The following QKI variants were observed in gnomAD, a reference collection of about 807,000 sequenced individuals.
QKI encodes the protein QKI, KH domain containing RNA binding.
Under a neutral mutation model 39.0 loss-of-function variants are expected in QKI, and 10 were observed. That is an observed-to-expected ratio of 0.26 (90% CI 0.16 to 0.43). The LOEUF (loss-of-function observed/expected upper bound fraction) is 0.43. QKI is among the 20% of genes least tolerant of loss of function. The pLI is 1.00. For synonymous variants in QKI, 204 were observed against 155.4 expected, an observed-to-expected ratio of 1.31 and a Z score of -2.33; for missense variants, 218 against 428.0, an observed-to-expected ratio of 0.51 and a Z score of 4.33.
chr6:163,532,270 T>C (rs558805161), intron 3 of QKI, among the ~76,000 whole-genome samples: 2 of 152,250 alleles, frequency 1.3e-5, no homozygotes, highest in Non-Finnish European at 2.9e-5. Context: ...TATGCATTAG[T>C]GTTTGACACA....
At chr6:163,415,494 G>C (rs1032235575) in intron 1 of QKI, among the ~76,000 whole-genome samples, 159 bp downstream of exon 1, 8 of 150,878 alleles carry the variant, frequency 5.3e-5, no homozygotes, top group African/African-American at 1.7e-4. Context: ...GTGCCGGGCC[G>C]GGCTTGCGGC....
intron 3 of QKI, among the ~76,000 whole-genome samples, chr6:163,509,566 A>G (rs1039656190): frequency 2.0e-5 from 3 of 152,086 alleles, no homozygotes; most frequent in Admixed American, 6.6e-5. Context: ...TCTACATATT[A>G]TGTGAAACAG....
intron 3 of QKI, among the ~76,000 whole-genome samples, chr6:163,502,856 C>G (rs897501535): frequency 1.3e-5 from 2 of 151,964 alleles, no homozygotes; most frequent in African/African-American, 4.8e-5. Context: ...TGTTTTCTTT[C>G]GGATGTATAC....
intron 3 of QKI, among the ~76,000 whole-genome samples, chr6:163,514,388 ATG>A (rs1276378040): frequency 6.6e-6 from 1 of 152,174 alleles, no homozygotes; most frequent in Non-Finnish European, 1.5e-5. Flanking sequence ...TCTTAAAGAT[ATG>A]TATTTTCAAA....
rs781585764 is a variant in QKI at position 163,575,435 on chromosome 6, A to T, written c.*4725A>T. 5 of 152,206 alleles carry T rather than the reference A, an allele frequency of 3.3e-5. No homozygotes were observed. The highest frequency in any genetic ancestry group is 7.3e-5 in the Non-Finnish European group (5 of 68,034). The allele number at this position is 152,206 out of a possible 1,614,324, so 9.4% of individuals were successfully genotyped here. A position where few individuals can be genotyped will look rare whatever the true frequency, so the allele number is the denominator to read the frequency against. ...ATTAAACATGAAACTACCAAATTCC[A>T]AGAATAGTAAAATTCTAGAGTCAGT... On this transcript the variant is annotated 3_prime_UTR_variant, in exon 8 of 8. Transcript: ENST00000361752.
chr6:163,508,909 T>C, intron 3 of QKI, among the ~76,000 whole-genome samples: 1 of 151,326 alleles, frequency 6.6e-6, no homozygotes, highest in East Asian at 2.0e-4. Context: ...GAGGCTGAGG[T>C]GGGTGAGTCA....
chr6:163,508,920 C>G (rs1779265256), intron 3 of QKI, among the ~76,000 whole-genome samples: 1 of 151,304 alleles, frequency 6.6e-6, no homozygotes, highest in Non-Finnish European at 1.5e-5. Context: ...GGGTGAGTCA[C>G]CTGAGGTCAG....
chr6:163,463,993 C>T (rs922856702), intron 2 of QKI, among the ~76,000 whole-genome samples: 4 of 152,132 alleles, frequency 2.6e-5, no homozygotes, highest in African/African-American at 9.7e-5. Context: ...CCCCTCATCC[C>T]ACAATATTGA....
intron 3 of QKI, among the ~76,000 whole-genome samples, chr6:163,529,367 T>C (rs1362763406): frequency 3.3e-5 from 5 of 152,204 alleles, no homozygotes; most frequent in Non-Finnish European, 5.9e-5. Context: ...AATTATTCAA[T>C]TCAGTAAATA....
At chr6:163,486,954 C>T (rs1777721871) in intron 3 of QKI, among the ~76,000 whole-genome samples, 1 of 152,094 alleles carries the variant, frequency 6.6e-6, no homozygotes, top group African/African-American at 2.4e-5. Flanking sequence ...AAATAAATTT[C>T]CTTGAATTTT....
Position 163,464,875 on chromosome 6 carries a change from A to G in QKI, c.285+9454A>G, listed in dbSNP as rs530528369. On this transcript the variant is annotated intron_variant, in intron 2 of 7. Coordinates refer to ENST00000361752, the MANE Select transcript of QKI (RefSeq NM_006775.3). Reference sequence around the variant, plus strand: ...CCCTTAACCAAAGCCAGATAAGGACATTGTAAGAAAATAAAGTTACAGGCC... The same window carrying G: ...CCCTTAACCAAAGCCAGATAAGGACGTTGTAAGAAAATAAAGTTACAGGCC... Among the ~76,000 whole-genome samples the G allele has an allele frequency of 1.6e-4, 25 of 152,346 alleles. No individual in the cohort carries two copies. In the South Asian group the frequency reaches 5.2e-3, roughly 32 times the overall value.
Position 163,465,420 on chromosome 6 carries a change from A to G in QKI, c.285+9999A>G, listed in dbSNP as rs1262086802. ...TGAGGTGGGCGGATCACTTGAGGTC[A>G]AGAGTTGGAGACCAGCCTGGCCAAC... is the stretch of plus-strand genomic sequence containing the variant. On this transcript the variant is annotated intron_variant, in intron 2 of 7. Coordinates refer to ENST00000361752, the MANE Select transcript of QKI (RefSeq NM_006775.3). 3.3e-5 allele frequency among the ~76,000 whole-genome samples: 5 copies of G among 152,212 alleles called. No individual in the cohort carries two copies. The East Asian group carries it at 9.7e-4, about 29-fold the overall frequency.
intron 1 of QKI, among the ~76,000 whole-genome samples, chr6:163,417,472 GCTT>G (rs1787614160): frequency 6.6e-6 from 1 of 152,042 alleles, no homozygotes; most frequent in African/African-American, 2.4e-5. Context: ...GTTTTAAAAG[GCTT>G]CTTGTGCTTT....
chr6:163,459,648 T>A (rs547562056), intron 2 of QKI, among the ~76,000 whole-genome samples: 1 of 152,360 alleles, frequency 6.6e-6, no homozygotes, highest in East Asian at 1.9e-4. Context: ...TATGAAGTTA[T>A]AAGGTTCACT....
chr6:163,508,308 A>C (rs9364689), intron 3 of QKI, among the ~76,000 whole-genome samples: 63,870 of 151,870 alleles, frequency 0.42, 16,720 homozygotes, highest in East Asian at 0.72. Flanking sequence ...AGTAGAATGA[A>C]CACAAGGAAG....
chr6:163,472,183 T>A (rs964420635), intron 2 of QKI, among the ~76,000 whole-genome samples: 1 of 152,204 alleles, frequency 6.6e-6, no homozygotes, highest in Non-Finnish European at 1.5e-5. Flanking sequence ...ACATTTTGTA[T>A]GTTACATGTA....
chr6:163,439,204 A>G (rs1449703931), intron 1 of QKI, among the ~76,000 whole-genome samples: 1 of 152,236 alleles, frequency 6.6e-6, no homozygotes, highest in African/African-American at 2.4e-5. Context: ...GATAGGAACT[A>G]CTGCATTAAT....
In QKI at chr6:163,467,151, C is replaced by T. The variant is rs1261768477; in HGVS notation, c.286-11629C>T. Among the ~76,000 whole-genome samples, 5 of 152,006 alleles carry T rather than the reference C, an allele frequency of 3.3e-5. No individual in the cohort carries two copies. In the South Asian group the frequency reaches 1.0e-3, roughly 32 times the overall value. ...AAAAGGCTTATGAAAAGGTGCTTAA[C>T]ATCACACACACACACACACACGTGC... On this transcript the variant is annotated intron_variant, in intron 2 of 7. Transcript: ENST00000361752.
intron 1 of QKI, among the ~76,000 whole-genome samples, chr6:163,441,542 C>G (rs1452278297): frequency 6.6e-6 from 1 of 152,116 alleles, no homozygotes; most frequent in Non-Finnish European, 1.5e-5. Flanking sequence ...CTAATGTCAA[C>G]AGGCAATAAT....
Sources: gnomAD v4.1 joint callset for allele counts (sites outside exome capture counted in the v4.1 genomes callset) on GRCh38, gnomAD v4.1.1 for gene constraint, MANE v1.5 for transcripts, NCBI Gene and HGNC (gene_info 2026-07-23, HGNC 2026-07-21) for gene names.